Variants in TTLL11 observed in about 807,000 individuals in gnomAD.
TTLL11 encodes tubulin tyrosine ligase like 11.
A neutral mutation model predicts 51.7 loss-of-function variants in TTLL11; 42 were observed. The ratio of observed to expected loss-of-function variants is 0.81; its 90% CI spans 0.64 to 1.05. The LOEUF (loss-of-function observed/expected upper bound fraction) is 1.05. Among genes scored for constraint, TTLL11 ranks in the 50% least tolerant of loss-of-function variants. The pLI is 0.00. For missense variants in TTLL11, 799 were observed against 940.4 expected (o/e 0.85, Z 1.97); for synonymous variants, 381 against 383.5 (o/e 0.99, Z 0.08).
chr9:122,018,222 T>C (rs184940039), intron 3 of TTLL11, among the ~76,000 whole-genome samples: 2 of 151,394 alleles, frequency 1.3e-5, no homozygotes, highest in African/African-American at 2.4e-5. Context: ...ACGTCATTCT[T>C]CTGCCTCAGC....
chr9:121,927,343 AC>A (rs770810489), intron 6 of TTLL11, among the ~76,000 whole-genome samples: 94 of 152,248 alleles, frequency 6.2e-4, no homozygotes, highest in Non-Finnish European at 4.6e-4. Flanking sequence ...TATAACCATT[AC>A]CCTCTCTCTA....
chr9:122,014,846 G>A (rs757215888), intron 3 of TTLL11, among the ~76,000 whole-genome samples: 1 of 152,114 alleles, frequency 6.6e-6, no homozygotes, highest in African/African-American at 2.4e-5. Flanking sequence ...CCCTATAAAT[G>A]TCCAACTGAA....
intron 3 of TTLL11, among the ~76,000 whole-genome samples, chr9:122,005,334 A>G (rs139944149): frequency 6.6e-6 from 1 of 152,162 alleles, no homozygotes; most frequent in East Asian, 1.9e-4. Flanking sequence ...CTGACTTGCT[A>G]TGTGACTCAG....
In TTLL11 at chr9:122,046,556, G is replaced by A. The variant is rs563051561; in HGVS notation, c.463-7188C>T. On this transcript the variant is annotated intron_variant, in intron 1 of 8. Coordinates refer to ENST00000321582, the MANE Select transcript of TTLL11 (RefSeq NM_001139442.2). ...GTAGAATGCTGTTCAGATTGTCATGGAGCATTGAAAGCTGACAAATGGTTC... is the reference window on the plus strand; with the variant it reads ...GTAGAATGCTGTTCAGATTGTCATGAAGCATTGAAAGCTGACAAATGGTTC... Among the ~76,000 whole-genome samples the A allele has an allele frequency of 2.6e-5, 4 of 152,292 alleles. No individual in the cohort carries two copies. The South Asian group carries it at 8.3e-4, about 32-fold the overall frequency.
chr9:122,083,968 T>C (rs1393609212), intron 1 of TTLL11, among the ~76,000 whole-genome samples: 1 of 152,236 alleles, frequency 6.6e-6, no homozygotes, highest in African/African-American at 2.4e-5. Context: ...TGTAAATTTT[T>C]ATAAGCATAT....
chr9:121,892,151 C>T (rs529037592), intron 6 of TTLL11, among the ~76,000 whole-genome samples: 4 of 107,458 alleles, frequency 3.7e-5, no homozygotes, highest in East Asian at 5.7e-4. Context: ...TACACACATA[C>T]ATATACATAT....
At chr9:122,092,367 G>C (rs950460509) in intron 1 of TTLL11, among the ~76,000 whole-genome samples, 1 of 152,108 alleles carries the variant, frequency 6.6e-6, no homozygotes, top group Non-Finnish European at 1.5e-5. Context: ...GGGCTTACAA[G>C]CTGGTGGAGG....
At chr9:121,844,838 A>AT (rs1837467953) in intron 8 of TTLL11, among the ~76,000 whole-genome samples, 2 of 151,954 alleles carry the variant, frequency 1.3e-5, no homozygotes, top group African/African-American at 4.8e-5. Context: ...AAAGAAAAAA[A>AT]ATACTGAAAA....
chr9:122,065,989 T>G (rs1292780409), intron 1 of TTLL11, among the ~76,000 whole-genome samples: 1 of 152,132 alleles, frequency 6.6e-6, no homozygotes, highest in East Asian at 1.9e-4. Flanking sequence ...TACAGTGGAT[T>G]GAATTACAGT....
chr9:121,873,288 C>A (rs1260671737), intron 6 of TTLL11, among the ~76,000 whole-genome samples: 1 of 152,104 alleles, frequency 6.6e-6, no homozygotes, highest in African/African-American at 2.4e-5. Context: ...AGGTGTTGCA[C>A]CTGTATCATC....
chr9:122,043,351 A>AT (rs1344131974), intron 1 of TTLL11, among the ~76,000 whole-genome samples: 1 of 152,230 alleles, frequency 6.6e-6, no homozygotes, highest in Non-Finnish European at 1.5e-5. Flanking sequence ...GTGTGATCAA[A>AT]TGATTCTCAA....
At chr9:122,075,830 G>T (rs1845844331) in intron 1 of TTLL11, among the ~76,000 whole-genome samples, 1 of 152,164 alleles carries the variant, frequency 6.6e-6, no homozygotes, top group Non-Finnish European at 1.5e-5. Flanking sequence ...CAAACAGCTG[G>T]CTCTCTATTT....
chr9:122,035,904 C>T (rs1404815645), intron 2 of TTLL11, among the ~76,000 whole-genome samples: 5 of 152,122 alleles, frequency 3.3e-5, no homozygotes, highest in Admixed American at 1.3e-4. Flanking sequence ...GCTCACCTGA[C>T]GCCCTCTAAC....
chr9:122,078,929 T>G (rs1182135141), intron 1 of TTLL11, among the ~76,000 whole-genome samples: 4 of 152,200 alleles, frequency 2.6e-5, no homozygotes, highest in African/African-American at 4.8e-5. Context: ...AGCTCATTCT[T>G]ACGAAGAAAG....
At chr9:121,953,407 C>A (rs1235432746) in intron 6 of TTLL11, among the ~76,000 whole-genome samples, 2 of 151,788 alleles carry the variant, frequency 1.3e-5, no homozygotes, top group Non-Finnish European at 2.9e-5. Flanking sequence ...CTGAGGCGGG[C>A]GGATCACTTG....
intron 8 of TTLL11, among the ~76,000 whole-genome samples, chr9:121,829,814 C>CACCA (rs58561465): frequency 7.1e-6 from 1 of 141,836 alleles, no homozygotes; most frequent in East Asian, 2.1e-4. Flanking sequence ...CACACACACA[C>CACCA]CACACACACA....
intron 3 of TTLL11, among the ~76,000 whole-genome samples, chr9:121,999,151 C>T (rs1290354540): frequency 6.6e-6 from 1 of 152,222 alleles, no homozygotes. Context: ...GGGAACCCAC[C>T]TCTGTCTCAT....
intron 3 of TTLL11, among the ~76,000 whole-genome samples, chr9:121,993,382 T>A (rs1057207511): frequency 6.6e-6 from 1 of 152,220 alleles, no homozygotes; most frequent in Non-Finnish European, 1.5e-5. Flanking sequence ...AGTACTATAG[T>A]GAAAAACAGA....
At chr9:121,902,433 A>G (rs1156921282) in intron 6 of TTLL11, among the ~76,000 whole-genome samples, 1 of 152,232 alleles carries the variant, frequency 6.6e-6, no homozygotes, top group Non-Finnish European at 1.5e-5. Flanking sequence ...ATTTCCCTCT[A>G]AGCATTAGCT....
Sources: gnomAD v4.1 joint callset for allele counts (sites outside exome capture counted in the v4.1 genomes callset) on GRCh38, gnomAD v4.1.1 for gene constraint, MANE v1.5 for transcripts, NCBI Gene and HGNC (gene_info 2026-07-23, HGNC 2026-07-21) for gene names.